Variants in GRB10 observed in about 807,000 individuals in gnomAD.
The protein encoded by GRB10 is growth factor receptor-bound protein 10.
GRB10 carries 20 observed loss-of-function variants against 80.9 expected under a neutral mutation model. The ratio of observed to expected loss-of-function variants is 0.25; its 90% CI spans 0.17 to 0.36. GRB10 has a LOEUF of 0.36. Among genes scored for constraint, GRB10 ranks in the 10% least tolerant of loss-of-function variants. The pLI is 1.00. For missense variants in GRB10, 548 were observed against 747.7 expected, an observed-to-expected ratio of 0.73 and a Z score of 3.12; for synonymous variants, 291 against 291.5, an observed-to-expected ratio of 1.00 and a Z score of 0.02.
chr7:50,772,734 C>T (rs1018759417), intron 2 of GRB10, among the ~76,000 whole-genome samples: 3 of 152,046 alleles, frequency 2.0e-5, no homozygotes, highest in Admixed American at 1.3e-4. Context: ...ACAGCACAGG[C>T]AACAAAAGAA....
intron 1 of GRB10, among the ~76,000 whole-genome samples, chr7:50,781,943 G>A (rs1233388440): frequency 2.0e-5 from 3 of 152,094 alleles, no homozygotes; most frequent in Non-Finnish European, 4.4e-5. Flanking sequence ...TTTTTATACC[G>A]GACTATATGC....
At chr7:50,646,481 T>C (rs866443542) in intron 7 of GRB10, among the ~76,000 whole-genome samples, 6 of 152,256 alleles carry the variant, frequency 3.9e-5, no homozygotes, top group African/African-American at 1.4e-4. Context: ...AATACCTTTT[T>C]GTAGTATTTG....
intron 7 of GRB10, among the ~76,000 whole-genome samples, chr7:50,656,285 T>C (rs2058638862): frequency 6.6e-6 from 1 of 152,108 alleles, no homozygotes; most frequent in South Asian, 2.1e-4. Context: ...GTCACTCTGA[T>C]CCTCCGTCCC....
rs527429145 is a variant in GRB10 at position 50,613,827 on chromosome 7, T to C, written c.1095+943A>G. ...CCTGAGCAAGGTATGAGGTGATATT[T>C]TGGAAAGAAATTTTCCCCTAAGGAG... On this transcript the variant is annotated intron_variant, in intron 12 of 18. Coordinates refer to ENST00000401949, the MANE Select transcript of GRB10 (RefSeq NM_001350814.2). Among the ~76,000 whole-genome samples, 6 of 152,312 alleles carry C rather than the reference T, an allele frequency of 3.9e-5. No homozygotes were observed. The South Asian group carries it at 1.0e-3, about 26-fold the overall frequency.
In GRB10 at chr7:50,645,370, C is replaced by T. The variant is rs1270465260; in HGVS notation, c.505-18392G>A. On this transcript the variant is annotated intron_variant, in intron 7 of 18. Coordinates refer to ENST00000401949, the MANE Select transcript of GRB10 (RefSeq NM_001350814.2). Reference sequence around the variant, plus strand: ...CTCCCAGCCTGCTACTTTTTCAGTACTAAAAACCACACAACCCATGCAAAA... The same window carrying T: ...CTCCCAGCCTGCTACTTTTTCAGTATTAAAAACCACACAACCCATGCAAAA... Among the ~76,000 whole-genome samples the T allele has an allele frequency of 2.0e-5, 3 of 152,188 alleles. No homozygotes were observed. The East Asian group carries it at 5.8e-4, about 29-fold the overall frequency.
chr7:50,590,176 G>A lies in GRB10; in HGVS notation c.*2776C>T, dbSNP rs2045697321. 3 of 152,200 alleles carry A rather than the reference G, an allele frequency of 2.0e-5. No homozygotes were observed. The highest frequency in any genetic ancestry group is 2.0e-4 in the Admixed American group (3 of 15,286). 9.4% of individuals were successfully genotyped at this position (152,200 alleles called of 1,614,324 possible). On this transcript the variant is annotated 3_prime_UTR_variant, in exon 19 of 19. Transcript: ENST00000401949. ...TACAATTAGGTTCACGAGCCAAAGA[G>A]CTATGTACAGAATGAAGCAAAGCAC...
chr7:50,658,560 T>C (rs1326535081), intron 7 of GRB10, among the ~76,000 whole-genome samples: 5 of 152,202 alleles, frequency 3.3e-5, no homozygotes, highest in Non-Finnish European at 7.3e-5. Flanking sequence ...GGCACAGACT[T>C]AGATTTTTGG....
intron 5 of GRB10, among the ~76,000 whole-genome samples, chr7:50,693,755 G>A (rs1369740234): frequency 6.6e-6 from 1 of 152,046 alleles, no homozygotes; most frequent in Non-Finnish European, 1.5e-5. Flanking sequence ...CATGGGATTG[G>A]GGCGCCCGAG....
chr7:50,619,092 T>A, intron 9 of GRB10, 78 bp downstream of exon 9: 4 of 832,086 alleles, frequency 4.8e-6, no homozygotes, highest in Non-Finnish European at 8.3e-6. Context: ...CACTTTCTAA[T>A]CTGATACTAT....
At chr7:50,760,764 G>C (rs2075678690) in intron 2 of GRB10, among the ~76,000 whole-genome samples, 1 of 152,190 alleles carries the variant, frequency 6.6e-6, no homozygotes, top group Admixed American at 6.5e-5. Context: ...ACTGAAACAA[G>C]AGTGGGCACG....
At chr7:50,776,514 C>T (rs560669315) in intron 2 of GRB10, among the ~76,000 whole-genome samples, 1 of 152,290 alleles carries the variant, frequency 6.6e-6, no homozygotes, top group African/African-American at 2.4e-5. Flanking sequence ...AGCCATAGTG[C>T]CCAGCCTCTG....
In GRB10 at chr7:50,605,161, G is replaced by A. The variant is rs1258333333; in HGVS notation, c.1389+129C>T. The A allele has an allele frequency of 5.1e-6, 3 of 593,048 alleles. No homozygotes were observed. The African/African-American group carries it at 1.1e-4, about 21-fold the overall frequency. 36.7% of individuals were successfully genotyped at this position (593,048 alleles called of 1,614,324 possible). ...AGGGCCAACTGCTTCCTGCAGCTGAGAACTCACCCCACCCAACATGGCACC... is the reference window on the plus strand; with the variant it reads ...AGGGCCAACTGCTTCCTGCAGCTGAAAACTCACCCCACCCAACATGGCACC... On this transcript the variant is annotated intron_variant, in intron 15 of 18. Transcript: ENST00000401949.
chr7:50,768,719 T>C (rs17152128), intron 2 of GRB10, among the ~76,000 whole-genome samples: 8,089 of 152,280 alleles, frequency 0.053, 714 homozygotes, highest in African/African-American at 0.18. Flanking sequence ...GTGGCAAGCA[T>C]GACCGACCAT....
intron 2 of GRB10, among the ~76,000 whole-genome samples, chr7:50,770,287 T>C (rs968161148): frequency 2.3e-4 from 35 of 152,302 alleles, no homozygotes; most frequent in African/African-American, 8.2e-4. Context: ...GTTCCCTCAT[T>C]TGGCACATAA....
intron 4 of GRB10, among the ~76,000 whole-genome samples, chr7:50,711,530 G>T (rs1008290215): frequency 6.6e-6 from 1 of 152,208 alleles, no homozygotes; most frequent in Non-Finnish European, 1.5e-5. Context: ...TGCACTTAAA[G>T]AAGTAAAATG....
chr7:50,745,155 C>G (rs572056774), intron 3 of GRB10, among the ~76,000 whole-genome samples: 1 of 152,186 alleles, frequency 6.6e-6, no homozygotes, highest in Non-Finnish European at 1.5e-5. Context: ...CTGAAAAAAA[C>G]TCCACATATA....
intron 2 of GRB10, among the ~76,000 whole-genome samples, chr7:50,769,488 C>G (rs1022753331): frequency 6.6e-6 from 1 of 152,232 alleles, no homozygotes; most frequent in Admixed American, 6.5e-5. Flanking sequence ...CCCCATCCTT[C>G]CTGACAGAGG....
intron 17 of GRB10, among the ~76,000 whole-genome samples, chr7:50,599,648 G>A (rs1162706316): frequency 1.3e-5 from 2 of 152,234 alleles, no homozygotes; most frequent in African/African-American, 2.4e-5. Context: ...AGAATAAGAC[G>A]GGCGGCACCA....
At chr7:50,631,658 C>T (rs2054022961) in intron 7 of GRB10, among the ~76,000 whole-genome samples, 1 of 152,132 alleles carries the variant, frequency 6.6e-6, no homozygotes, top group African/African-American at 2.4e-5. Context: ...CAAAAGGTCC[C>T]GAAGACGTGA....
Sources: allele counts gnomAD v4.1 joint callset (sites outside exome capture counted in the v4.1 genomes callset), GRCh38; gene constraint gnomAD v4.1.1; transcripts MANE v1.5; gene names NCBI Gene and HGNC (gene_info 2026-07-23, HGNC 2026-07-21).